Variants in TATDN1 observed in about 807,000 individuals in gnomAD.
The protein encoded by TATDN1 is TatD DNase domain containing 1.
TATDN1 carries 40 observed loss-of-function variants against 46.4 expected under a neutral mutation model. The ratio of observed to expected loss-of-function variants is 0.86; its 90% CI spans 0.67 to 1.12. The LOEUF is 1.12. TATDN1 is among the 50% of genes most tolerant of loss of function. The pLI, the probability that TATDN1 is intolerant of heterozygous loss-of-function variation, is 0.00. For synonymous variants in TATDN1, 95 were observed against 105.6 expected, an observed-to-expected ratio of 0.90 and a Z score of 0.62; for missense variants, 326 against 348.4, an observed-to-expected ratio of 0.94 and a Z score of 0.51.
chr8:124,494,965 G>C (rs1478583302), intron 10 of TATDN1: 1 of 153,776 alleles, frequency 6.5e-6, no homozygotes, highest in Non-Finnish European at 1.4e-5. Flanking sequence ...CAGGTGATCC[G>C]CCCACCTCGG....
At chr8:124,500,825 T>C (rs1817902142) in intron 9 of TATDN1, among the ~76,000 whole-genome samples, 1 of 151,028 alleles carries the variant, frequency 6.6e-6, no homozygotes, top group Non-Finnish European at 1.5e-5. Flanking sequence ...AGGAGACATA[T>C]GTTACCCCAA....
intron 3 of TATDN1, among the ~76,000 whole-genome samples, chr8:124,520,942 CAAAAAAAAAAAAAA>C (rs1162309758): frequency 1.2e-5 from 1 of 82,246 alleles, no homozygotes; most frequent in Non-Finnish European, 2.5e-5. Flanking sequence ...GACTCCGTCT[CAAAAAAAAAAAAAA>C]AAAAAAAAGA....
chr8:124,523,188 C>T (rs1820206482), intron 1 of TATDN1, 186 bp from the exon 2 acceptor site: 1 of 574,882 alleles, frequency 1.7e-6, no homozygotes, highest in Non-Finnish European at 3.1e-6. Flanking sequence ...GATATAATTC[C>T]TGCTTTCAAG....
At chr8:124,521,995 G>C (rs1443385685) in intron 3 of TATDN1, 156 bp downstream of exon 3, 9 of 552,178 alleles carry the variant, frequency 1.6e-5, no homozygotes, top group Non-Finnish European at 2.5e-5. Flanking sequence ...AGAGTATTTT[G>C]ATATTTTGTT....
In TATDN1 at chr8:124,493,961, T is replaced by C. The variant is rs576773234; in HGVS notation, c.665-2A>G. 7.5e-6 allele frequency: 12 copies of C among 1,601,572 alleles called. No individual in the cohort carries two copies. The Admixed American group carries it at 1.4e-4, about 19-fold the overall frequency. The stretch of plus-strand genomic sequence containing the variant: ...TTTTGACTCCACACCAAGGTGCATC[T>C]AGTTAAGCAAAGAAAGTGTCTCGTA... On this transcript the variant is annotated splice_acceptor_variant, in intron 10 of 11. Coordinates refer to ENST00000276692, the MANE Select transcript of TATDN1 (RefSeq NM_032026.4). LOFTEE classifies it high-confidence loss of function.
chr8:124,495,825 T>G (rs1166416979), intron 9 of TATDN1, among the ~76,000 whole-genome samples: 2 of 152,246 alleles, frequency 1.3e-5, no homozygotes, highest in African/African-American at 2.4e-5. Context: ...TTAAAAGAAT[T>G]CATCTGCTTC....
rs569951682 is a variant in TATDN1 at position 124,493,680 on chromosome 8, A to G, written c.791+153T>C. On this transcript the variant is annotated intron_variant, in intron 11 of 11. Coordinates refer to ENST00000276692, the MANE Select transcript of TATDN1 (RefSeq NM_032026.4). ...GAATGGAACTTAAACCAGGTATGCA[A>G]ATTCCTCCAAATCACTGCATTAATA... is the stretch of plus-strand genomic sequence containing the variant. The G allele has an allele frequency of 4.6e-5, 36 of 788,512 alleles. No individual in the cohort carries two copies. In the East Asian group the frequency reaches 9.4e-4, roughly 20 times the overall value. The allele number at this position is 788,512 out of a possible 1,614,324, so 48.8% of individuals were successfully genotyped here.
At chr8:124,489,301 CGA>C (rs1554602549) in intron 11 of TATDN1, 2 of 152,114 alleles carry the variant, frequency 1.3e-5, no homozygotes, top group Non-Finnish European at 2.9e-5. Flanking sequence ...TCTACCCTTG[CGA>C]GAGAAATAAG....
intron 9 of TATDN1, among the ~76,000 whole-genome samples, chr8:124,499,599 C>T (rs867305318): frequency 1.3e-5 from 2 of 152,218 alleles, no homozygotes; most frequent in Middle Eastern, 3.4e-3. Context: ...GGCTGGAGTT[C>T]AGTGGGTGAT....
intron 10 of TATDN1, chr8:124,494,626 C>A (rs1460643648): frequency 6.6e-6 from 1 of 152,126 alleles, no homozygotes; most frequent in African/African-American, 2.4e-5. Context: ...CTCACTGCAA[C>A]CTCTGCCTCC....
chr8:124,499,865 A>G (rs1817799298), intron 9 of TATDN1, among the ~76,000 whole-genome samples: 1 of 143,050 alleles, frequency 7.0e-6, no homozygotes, highest in Non-Finnish European at 1.5e-5. Flanking sequence ...TTTTTTTTTG[A>G]GACACAGTCT....
chr8:124,514,279 G>A (rs979483524), intron 6 of TATDN1, among the ~76,000 whole-genome samples: 6 of 152,072 alleles, frequency 3.9e-5, no homozygotes, highest in Non-Finnish European at 8.8e-5. Context: ...GGAGGGAAGC[G>A]GGAGGAAGTA....
chr8:124,538,865 C>T, intron 1 of TATDN1, 160 bp downstream of exon 1: 1 of 735,916 alleles, frequency 1.4e-6, no homozygotes, highest in East Asian at 2.7e-5. Flanking sequence ...AGAACCAGAG[C>T]ATTACCAGCA....
chr8:124,522,891 T>C, intron 2 of TATDN1, 46 bp downstream of exon 2: 1 of 1,529,676 alleles, frequency 6.5e-7, no homozygotes. Context: ...AGGCAGAAAA[T>C]TTGTCTTCAT....
chr8:124,492,015 T>TTTTTCGC, intron 11 of TATDN1, among the ~76,000 whole-genome samples: 1 of 149,610 alleles, frequency 6.7e-6, no homozygotes, highest in Non-Finnish European at 1.5e-5. Context: ...ACTTTTGTCT[T>TTTTTCGC]CCAGGCTAGA....
At chr8:124,506,942 T>C (rs781207708) in intron 8 of TATDN1, among the ~76,000 whole-genome samples, 2 of 151,908 alleles carry the variant, frequency 1.3e-5, no homozygotes, top group Non-Finnish European at 2.9e-5. Flanking sequence ...GGGGGGAGGA[T>C]CATGAGGTCA....
intron 4 of TATDN1, among the ~76,000 whole-genome samples, chr8:124,517,524 A>C (rs1819592473): frequency 6.6e-6 from 1 of 152,142 alleles, no homozygotes; most frequent in Admixed American, 6.5e-5. Flanking sequence ...GTAAGTTTTC[A>C]TACATAAAGG....
intron 1 of TATDN1, among the ~76,000 whole-genome samples, chr8:124,527,676 G>A (rs1820618065): frequency 1.3e-5 from 2 of 151,866 alleles, no homozygotes; most frequent in Admixed American, 1.3e-4. Flanking sequence ...GGGGCAGGGG[G>A]GTGCTTAGAA....
chr8:124,515,624 A>G (rs1819392119), intron 6 of TATDN1, 122 bp downstream of exon 6: 2 of 880,182 alleles, frequency 2.3e-6, no homozygotes, highest in East Asian at 5.3e-5. Context: ...TACTTTTGAT[A>G]TACAAAGGGA....
Sources: allele counts gnomAD v4.1 joint callset (sites outside exome capture counted in the v4.1 genomes callset), GRCh38; gene constraint gnomAD v4.1.1; transcripts MANE v1.5; gene names NCBI Gene and HGNC (gene_info 2026-07-23, HGNC 2026-07-21).